Variants in ACACA observed in about 807,000 individuals in gnomAD.
The protein encoded by ACACA is acetyl-CoA carboxylase 1.
In ACACA, 103 loss-of-function variants were observed where a neutral mutation model predicts 296.1. The observed-to-expected ratio is 0.35, with a 90% confidence interval of 0.30 to 0.41. The LOEUF is 0.41. Among genes scored for constraint, ACACA ranks in the 10% least tolerant of loss-of-function variants. The pLI is 1.00. For synonymous variants in ACACA, 953 were observed against 1,038.6 expected (o/e 0.92, Z 1.58); for missense variants, 1,554 against 2,989.7 (o/e 0.52, Z 11.20).
chr17:37,298,382 C>T (rs1056542713), intron 3 of ACACA, among the ~76,000 whole-genome samples: 17 of 152,040 alleles, frequency 1.1e-4, no homozygotes, highest in Non-Finnish European at 2.2e-4. Flanking sequence ...TAAAAACAAG[C>T]AAACAAAAAA....
At chr17:37,308,992 C>T (rs1250020812) in intron 3 of ACACA, among the ~76,000 whole-genome samples, 1 of 152,134 alleles carries the variant, frequency 6.6e-6, no homozygotes, top group Non-Finnish European at 1.5e-5. Flanking sequence ...CTTTATACCT[C>T]TACCATTTAT....
At chr17:37,310,731 T>C (rs183215202) in intron 3 of ACACA, among the ~76,000 whole-genome samples, 61 of 144,026 alleles carry the variant, frequency 4.2e-4, no homozygotes, top group African/African-American at 1.5e-3. Flanking sequence ...GAGGCAGAGG[T>C]TGCAGAGAGC....
At chr17:37,390,330 A>ATATATATATATATATCTATATCTATATC (rs1386032855) in intron 1 of ACACA, among the ~76,000 whole-genome samples, 7 of 41,582 alleles carry the variant, frequency 1.7e-4, no homozygotes, top group African/African-American at 8.9e-4. Context: ...ATATATATAT[A>ATATATATATATATATCTATATCTATATC]TATAAAAGGC....
intron 24 of ACACA, among the ~76,000 whole-genome samples, chr17:37,236,449 T>A (rs1293112260): frequency 6.6e-6 from 1 of 151,168 alleles, no homozygotes; most frequent in Admixed American, 6.6e-5. Context: ...GGGGAGACAT[T>A]AACAGAAAGA....
intron 3 of ACACA, among the ~76,000 whole-genome samples, chr17:37,323,514 G>C (rs1598487239): frequency 6.6e-6 from 1 of 152,232 alleles, no homozygotes; most frequent in Non-Finnish European, 1.5e-5. Flanking sequence ...AGGATTGTTT[G>C]AGCCCAGGAG....
intron 45 of ACACA, among the ~76,000 whole-genome samples, chr17:37,136,629 G>C (rs1203185857): frequency 6.6e-6 from 1 of 151,744 alleles, no homozygotes; most frequent in African/African-American, 2.4e-5. Context: ...TCAACACTTG[G>C]TATTTGTCAA....
At chr17:37,352,727 CA>C (rs58899496) in intron 1 of ACACA, among the ~76,000 whole-genome samples, 83 of 125,848 alleles carry the variant, frequency 6.6e-4, no homozygotes, top group African/African-American at 7.9e-4. Context: ...GAGACCTTAT[CA>C]AAAAAAAAAA....
At chr17:37,302,584 C>T (rs1567967836) in intron 3 of ACACA, among the ~76,000 whole-genome samples, 1 of 149,978 alleles carries the variant, frequency 6.7e-6, no homozygotes, top group Non-Finnish European at 1.5e-5. Context: ...TGAGCCACCA[C>T]CCCTGGCTGA....
chr17:37,162,007 T>C lies in ACACA; in HGVS notation c.5123A>G (p.Tyr1708Cys). 6.2e-7 allele frequency: 1 copy of C among 1,614,224 alleles called. No homozygotes were observed. Among genetic ancestry groups the C allele is most frequent in the Non-Finnish European group, 8.5e-7 (1 of 1,180,030 alleles). The change falls in exon 42 of 56, where the codon TAT becomes TGT. Residue 1708 changes from tyrosine to cysteine, a missense_variant. Around this residue, in one of 16 missense-constraint regions of ACACA, gnomAD observed 553 missense variants for 1,043.6 expected, o/e 0.53. Transcript: ENST00000616317. ...AACAATGATATCTCGGCCTTCTGGA[T>C]ATTCAGGACTTTTAAAGGTCATTTT... The part of the protein sequence containing the change: ...AWKMTFKSPE[Y>C]PEGRDIIVIG...
intron 45 of ACACA, among the ~76,000 whole-genome samples, chr17:37,134,987 AGAAG>A (rs772982574): frequency 6.6e-6 from 1 of 152,194 alleles, no homozygotes. Flanking sequence ...GACAAAAGAA[AGAAG>A]GAAGGATGAG....
chr17:37,288,530 T>C, intron 3 of ACACA, among the ~76,000 whole-genome samples: 1 of 152,218 alleles, frequency 6.6e-6, no homozygotes. Flanking sequence ...ATGGAAACGT[T>C]CTATATCTTG....
chr17:37,091,642 T>C (rs572921017), intron 54 of ACACA, among the ~76,000 whole-genome samples: 2 of 152,154 alleles, frequency 1.3e-5, no homozygotes, highest in South Asian at 2.1e-4. Context: ...TACAGTGGCA[T>C]GATCACAGCT....
intron 1 of ACACA, among the ~76,000 whole-genome samples, chr17:37,400,052 T>G (rs1358055102): frequency 1.3e-5 from 2 of 152,104 alleles, no homozygotes; most frequent in Non-Finnish European, 2.9e-5. Context: ...ACTTATTTTT[T>G]TGTGTGGTAA....
rs2082034204 is a variant in ACACA, at chr17:37,270,814, T to C, written c.1056A>G (p.Gly352=). 1 of 1,613,446 alleles carries C rather than the reference T, an allele frequency of 6.2e-7. No homozygotes were observed. The highest frequency in any genetic ancestry group is 1.3e-5 in the African/African-American group (1 of 74,720). The change falls in exon 10 of 56, where the codon GGA becomes GGG. Residue 352 remains glycine (G), a synonymous_variant. Coordinates refer to ENST00000616317, the MANE Select transcript of ACACA (RefSeq NM_198834.3). ...GYPVMIKASE[G]GGGKGIRKVN... ...CTTTTCTAATTCCCTTCCCTCCTCC[T>C]CCCTCTGAGGCCTTGATCATTACTG...
rs1167104705 is a variant in ACACA at position 37,244,560 on chromosome 17, T to G, written c.2742+28A>C. On this transcript the variant is annotated intron_variant, in intron 21 of 55. Coordinates refer to ENST00000616317, the MANE Select transcript of ACACA (RefSeq NM_198834.3). ...GGAGAATAGGTATCCCATTTGTACA[T>G]CCCTTCCCCAGGAGACGTGATACAT... 6 of 1,612,760 alleles carry G rather than the reference T, an allele frequency of 3.7e-6. No homozygotes were observed. In the East Asian group the frequency reaches 1.3e-4, roughly 36 times the overall value.
At chr17:37,350,394 C>A (rs2048845331) in intron 1 of ACACA, among the ~76,000 whole-genome samples, 1 of 151,452 alleles carries the variant, frequency 6.6e-6, no homozygotes, top group South Asian at 2.1e-4. Flanking sequence ...GTGGCACATG[C>A]CTGTAGTCCC....
rs751231625 is a variant in ACACA at position 37,129,429 on chromosome 17, G to A, written c.5880C>T (p.Ile1960=). The part of the protein sequence containing the change: ...LNSKDPIDRI[I]EFVPTKTPYD... ...ATGGGGTCTTTGTGGGAACAAACTC[G>A]ATGATTCTGTCTATAGGATCCTTTG... The change falls in exon 47 of 56, where the codon ATC becomes ATT. Residue 1960 remains isoleucine (I), a synonymous_variant. Coordinates refer to ENST00000616317, the MANE Select transcript of ACACA (RefSeq NM_198834.3). 5.6e-6 allele frequency: 9 copies of A among 1,613,908 alleles called. No homozygotes were observed. The highest frequency in any genetic ancestry group is 3.3e-5 in the Admixed American group (2 of 59,996).
chr17:37,146,032 A>T (rs916072967), intron 45 of ACACA, among the ~76,000 whole-genome samples: 6 of 152,238 alleles, frequency 3.9e-5, no homozygotes, highest in Non-Finnish European at 5.9e-5. Context: ...GTGGCAAAGG[A>T]TGGCGTCCAT....
At chr17:37,217,822 T>C (rs1328692513) in intron 29 of ACACA, among the ~76,000 whole-genome samples, 1 of 150,280 alleles carries the variant, frequency 6.7e-6, no homozygotes, top group Non-Finnish European at 1.5e-5. Context: ...GGCACATGCC[T>C]GTAGTCCCAG....
Sources: gnomAD v4.1 joint callset for allele counts (sites outside exome capture counted in the v4.1 genomes callset) on GRCh38, gnomAD v4.1.1 for gene constraint, gnomAD v4.1.1 regional missense constraint, MANE v1.5 for transcripts, NCBI Gene and HGNC (gene_info 2026-07-23, HGNC 2026-07-21) for gene names.